CENPP: variants seen among roughly 807,000 people sequenced by gnomAD.
CENPP encodes the protein centromere protein P.
A neutral mutation model predicts 35.6 loss-of-function variants in CENPP; 24 were observed. That is an observed-to-expected ratio of 0.67 (90% CI 0.49 to 0.95). CENPP has a LOEUF of 0.95. CENPP is among the 40% of genes least tolerant of loss of function. The probability of loss-of-function intolerance (pLI) is 0.00; values close to 1 mark genes in which losing one functional copy is unlikely to be tolerated. For missense variants in CENPP, 332 were observed against 345.3 expected (o/e 0.96, Z 0.31); for synonymous variants, 120 against 125.5 (o/e 0.96, Z 0.29).
chr9:92,474,543 T>G, intron 5 of CENPP: 1 of 1,514,402 alleles, frequency 6.6e-7, no homozygotes, highest in Non-Finnish European at 8.8e-7. Context: ...ATTTTTGAAA[T>G]TTCAATGAGA....
chr9:92,427,126 C>A (rs1452158532), intron 5 of CENPP, among the ~76,000 whole-genome samples: 2 of 152,170 alleles, frequency 1.3e-5, no homozygotes, highest in Admixed American at 1.3e-4. Flanking sequence ...CTCAGTTTTG[C>A]TGTGAACCTA....
intron 5 of CENPP, among the ~76,000 whole-genome samples, chr9:92,594,189 T>C (rs982014083): frequency 1.3e-5 from 2 of 152,178 alleles, no homozygotes; most frequent in African/African-American, 4.8e-5. Flanking sequence ...AAAAACCAGG[T>C]GAGGGTCTTG....
chr9:92,573,172 C>T (rs111980483), intron 5 of CENPP, among the ~76,000 whole-genome samples: 6 of 152,252 alleles, frequency 3.9e-5, no homozygotes, highest in African/African-American at 1.4e-4. Context: ...GGAGAAGAGG[C>T]GTTCTGATTT....
chr9:92,533,188 TACTC>T (rs1222850722), intron 5 of CENPP, among the ~76,000 whole-genome samples: 4 of 148,028 alleles, frequency 2.7e-5, no homozygotes, highest in Admixed American at 1.4e-4. Flanking sequence ...TAGTCCCAGA[TACTC>T]AGGAAGCTGA....
intron 5 of CENPP, among the ~76,000 whole-genome samples, chr9:92,487,238 G>T: frequency 6.6e-6 from 1 of 152,144 alleles, no homozygotes; most frequent in South Asian, 2.1e-4. Context: ...TCTAAATACT[G>T]TTTCCCACTA....
At chr9:92,438,636 G>C (rs1255498810) in intron 5 of CENPP, among the ~76,000 whole-genome samples, 1 of 152,192 alleles carries the variant, frequency 6.6e-6, no homozygotes, top group Non-Finnish European at 1.5e-5. Flanking sequence ...TGAGTGCTTA[G>C]TATTTAAACA....
chr9:92,442,774 G>A (rs370914471), intron 5 of CENPP, among the ~76,000 whole-genome samples: 10 of 151,904 alleles, frequency 6.6e-5, no homozygotes, highest in South Asian at 6.3e-4. Flanking sequence ...GCGTGAACCC[G>A]GGAGGCGGAG....
intron 5 of CENPP, among the ~76,000 whole-genome samples, chr9:92,521,405 C>T (rs555566234): frequency 2.3e-4 from 35 of 152,054 alleles, no homozygotes; most frequent in African/African-American, 8.2e-4. Context: ...ATTTCTCTTC[C>T]TTTCTTTTCC....
intron 4 of CENPP, among the ~76,000 whole-genome samples, chr9:92,353,648 AT>A (rs1841521134): frequency 6.6e-6 from 1 of 152,176 alleles, no homozygotes; most frequent in Non-Finnish European, 1.5e-5. Context: ...CCAGGTGGCA[AT>A]CTTAACTTCC....
chr9:92,505,641 T>C, intron 5 of CENPP: 1 of 1,608,190 alleles, frequency 6.2e-7, no homozygotes, highest in South Asian at 1.1e-5. Flanking sequence ...TGACATTGGC[T>C]TCACTGAGAT....
At chr9:92,395,432 G>C (rs1448808695) in intron 5 of CENPP, among the ~76,000 whole-genome samples, 1 of 152,052 alleles carries the variant, frequency 6.6e-6, no homozygotes, top group Non-Finnish European at 1.5e-5. Flanking sequence ...ATTTCATATG[G>C]ACATTGGGTT....
At chr9:92,335,179 CAAAAT>C (rs1291039757) in intron 2 of CENPP, among the ~76,000 whole-genome samples, 2 of 151,932 alleles carry the variant, frequency 1.3e-5, no homozygotes, top group Non-Finnish European at 2.9e-5. Context: ...TAAAATAAAA[CAAAAT>C]AAAAATCAGT....
intron 5 of CENPP, among the ~76,000 whole-genome samples, chr9:92,492,833 G>A (rs1194199212): frequency 6.6e-6 from 1 of 152,158 alleles, no homozygotes; most frequent in Non-Finnish European, 1.5e-5. Context: ...GTTCTCATGT[G>A]CCACCTGCCC....
At position 92,440,120 on chromosome 9, in the gene CENPP, T is replaced by A. The variant is rs201355383; in HGVS notation, c.564+60261T>A. Among the ~76,000 whole-genome samples the A allele has an allele frequency of 2.6e-5, 4 of 152,190 alleles. No homozygotes were observed. The East Asian group carries it at 7.7e-4, about 29-fold the overall frequency. On this transcript the variant is annotated intron_variant, in intron 5 of 7. Coordinates refer to ENST00000375587, the MANE Select transcript of CENPP (RefSeq NM_001012267.3). ...TCTAGTCCAGGACATGAATCATCCC[T>A]GTGTGCAACATATCCACACTATATA...
chr9:92,546,803 AC>A (rs1204109343), intron 5 of CENPP, among the ~76,000 whole-genome samples: 3 of 152,350 alleles, frequency 2.0e-5, no homozygotes, highest in African/African-American at 7.2e-5. Flanking sequence ...CTTTAAAAAA[AC>A]AATAAAATTG....
At chr9:92,491,552 T>G (rs1210566205) in intron 5 of CENPP, among the ~76,000 whole-genome samples, 1 of 152,046 alleles carries the variant, frequency 6.6e-6, no homozygotes, top group Non-Finnish European at 1.5e-5. Flanking sequence ...CCTCATACCT[T>G]CCCGTCTTTA....
At chr9:92,352,661 A>G (rs1178304045) in intron 4 of CENPP, among the ~76,000 whole-genome samples, 2 of 150,828 alleles carry the variant, frequency 1.3e-5, no homozygotes, top group Non-Finnish European at 2.9e-5. Context: ...CTTGGAATTC[A>G]GTGTTCAAGG....
chr9:92,385,834 A>C, intron 5 of CENPP: 1 of 1,595,904 alleles, frequency 6.3e-7, no homozygotes, highest in Non-Finnish European at 8.6e-7. Context: ...TCTGAAATCA[A>C]CCTTTCATAT....
chr9:92,470,627 G>T, intron 5 of CENPP: 1 of 1,068,406 alleles, frequency 9.4e-7, no homozygotes, highest in Non-Finnish European at 1.4e-6. Flanking sequence ...AAGATACAGA[G>T]TTTTCACTTA....
Sources: allele counts gnomAD v4.1 joint callset (sites outside exome capture counted in the v4.1 genomes callset), GRCh38; gene constraint gnomAD v4.1.1; transcripts MANE v1.5; gene names NCBI Gene and HGNC (gene_info 2026-07-23, HGNC 2026-07-21).